The following NCKAP5L variants were observed in gnomAD, a reference collection of about 807,000 sequenced individuals.
NCKAP5L encodes the protein nck-associated protein 5-like.
Under a neutral mutation model 103.2 loss-of-function variants are expected in NCKAP5L, and 54 were observed. The observed-to-expected ratio is 0.52, with a 90% confidence interval of 0.42 to 0.66. The LOEUF is 0.66. Among genes scored for constraint, NCKAP5L ranks in the 30% least tolerant of loss-of-function variants. The pLI is 0.00. For synonymous variants in NCKAP5L, 762 were observed against 748.6 expected (o/e 1.02, Z -0.29); for missense variants, 1,733 against 1,750.6 (o/e 0.99, Z 0.18).
intron 8 of NCKAP5L, 33 bp from the exon 9 acceptor site, chr12:49,793,929 G>A (rs1945983718): frequency 6.9e-7 from 1 of 1,438,880 alleles, no homozygotes; most frequent in Non-Finnish European, 9.2e-7. Flanking sequence ...AGGTGAGGGT[G>A]GTCTTGCCTG....
chr12:49,792,150 G>C lies in NCKAP5L; in HGVS notation c.3793-99C>G, dbSNP rs1945946244. ...GAGGGGCGTCTGTGCACCTGATGGG[G>C]GGCTGCTCCAGAGGGGGCCCAAGGT... On this transcript the variant is annotated intron_variant, in intron 12 of 12. Coordinates refer to ENST00000335999, the MANE Select transcript of NCKAP5L (RefSeq NM_001037806.4). This position sits in a 1 kb window ranked among gnomAD's most constrained non-coding sequence, Gnocchi z 4.5. 8.4e-7 allele frequency: 1 copy of C among 1,192,848 alleles called. No individual in the cohort carries two copies. The highest frequency in any genetic ancestry group is 1.5e-5 in the African/African-American group (1 of 65,972). 73.9% of individuals were successfully genotyped at this position (1,192,848 alleles called of 1,614,324 possible).
chr12:49,828,400 G>A lies in NCKAP5L; in HGVS notation c.-177C>T, dbSNP rs1160581796. ...CCGCGGCTTGGGGGCGGGGGGCAGA[G>A]AAAGGGGGGTGCCGGAGCCGCCTCC... On this transcript the variant is annotated 5_prime_UTR_variant, in exon 1 of 13. Transcript: ENST00000335999. 5 of 152,830 alleles carry A rather than the reference G, an allele frequency of 3.3e-5. No individual in the cohort carries two copies. The highest frequency in any genetic ancestry group is 3.3e-4 in the Admixed American group (5 of 15,294). The allele number at this position is 152,830 out of a possible 1,614,324, so 9.5% of individuals were successfully genotyped here. A position where few individuals can be genotyped will look rare whatever the true frequency, so the allele number is the denominator to read the frequency against.
chr12:49,824,739 C>T (rs1399224851), intron 1 of NCKAP5L, among the ~76,000 whole-genome samples: 1 of 152,250 alleles, frequency 6.6e-6, no homozygotes, highest in East Asian at 1.9e-4. Flanking sequence ...CAGACAAAAT[C>T]TAAGCTCCTG....
chr12:49,793,827 C>T lies in NCKAP5L; in HGVS notation c.3165G>A (p.Pro1055=), dbSNP rs372017459. Residue 1055 remains proline (P), a synonymous_variant, in exon 9 of 13, where the codon CCG becomes CCA. Transcript: ENST00000335999. ...AGGGGCTCTTGGGGTCAGAAGACAC[C>T]GGCTGGAAATCCCCGTACTCAGGCT... ...EPKPEYGDFQ[P]VSSDPKSPWP... is the part of the protein sequence containing the mutation. 64 of 1,591,666 alleles carry T rather than the reference C, an allele frequency of 4.0e-5. No homozygotes were observed. The African/African-American group carries it at 4.6e-4, about 11-fold the overall frequency.
At position 49,794,138 on chromosome 12, in the gene NCKAP5L, T is replaced by C. The variant is rs529643131; in HGVS notation, c.3096-242A>G. Among the ~76,000 whole-genome samples the C allele has an allele frequency of 2.3e-3, 353 of 152,262 alleles. 3 individuals are homozygous for C. The highest frequency in any genetic ancestry group is 8.1e-3 in the African/African-American group (337 of 41,530). ...AGATGGGAGAACTCCCTGAAAGTTA[T>C]CCAGGGTCAAGCCTAGAGACTGCTT... On this transcript the variant is annotated intron_variant, in intron 8 of 12. Transcript: ENST00000335999.
intron 1 of NCKAP5L, among the ~76,000 whole-genome samples, chr12:49,819,695 A>G (rs1946339926): frequency 6.6e-6 from 1 of 152,342 alleles, no homozygotes; most frequent in South Asian, 2.1e-4. Context: ...ACTCTGCCTC[A>G]AGGGAAGAAA....
rs1483553085 is a variant in NCKAP5L, at chr12:49,792,055, G to A, written c.3793-4C>T. The A allele has an allele frequency of 3.3e-6, 5 of 1,531,432 alleles. No individual in the cohort carries two copies. In the East Asian group the frequency reaches 1.1e-4, roughly 35 times the overall value. The allele number at this position is 1,531,432 out of a possible 1,614,324, so 94.9% of individuals were successfully genotyped here. On this transcript the variant is annotated splice_region_variant and splice_polypyrimidine_tract_variant and intron_variant, in intron 12 of 12. Transcript: ENST00000335999. The surrounding 1 kb of genome is among the most constrained non-coding windows in gnomAD (Gnocchi z 4.5). ...GCTTCCGGTCCACGGGCAGGGCCTG[G>A]GAAAGGAGGGGCAGCTCGGGAGGAA...
chr12:49,797,119 G>A lies in NCKAP5L; in HGVS notation c.741C>T (p.Gly247=), dbSNP rs763686273. 29 of 1,599,172 alleles carry A rather than the reference G, an allele frequency of 1.8e-5. No homozygotes were observed. The highest frequency in any genetic ancestry group is 1.7e-4 in the Middle Eastern group (1 of 5,952). The stretch of plus-strand genomic sequence containing the variant: ...GCAGCAGGCCTCCCAGGTTGCCAGG[G>A]CCTAGCAGCAGGCAGGGCGCCCAGG... The part of the protein sequence containing the change: ...PSPWAPCLLL[G]PGNLGGLLHW... The change falls in exon 8 of 13, where the codon GGC becomes GGT. Residue 247 remains glycine (G), a synonymous_variant. Coordinates refer to ENST00000335999, the MANE Select transcript of NCKAP5L (RefSeq NM_001037806.4). The surrounding 1 kb of genome is among the most constrained non-coding windows in gnomAD (Gnocchi z 4.5).
chr12:49,792,878 G>A lies in NCKAP5L; in HGVS notation c.3449C>T (p.Pro1150Leu), dbSNP rs201610169. 1.5e-4 allele frequency: 225 copies of A among 1,546,080 alleles called. No homozygotes were observed. Among genetic ancestry groups the A allele is most frequent in the African/African-American group, 1.9e-4 (14 of 73,746 alleles). ...PSKNLPKTKPPRLDPPPGVPP... is the reference protein window; with the variant it reads ...PSKNLPKTKPLRLDPPPGVPP... ...TACCCCAGGTGGGGGATCCAGCCGCGGTGGCTTGGTCTTAGGAAGATTCTT... is the reference window on the plus strand; with the variant it reads ...TACCCCAGGTGGGGGATCCAGCCGCAGTGGCTTGGTCTTAGGAAGATTCTT... The change falls in exon 11 of 13, where the codon CCG becomes CTG. Residue 1150 changes from proline (P) to leucine (L), a missense_variant. Physicochemically the swap from Pro to Leu is moderately conservative, Grantham distance 98. Transcript: ENST00000335999. This position sits in a 1 kb window ranked among gnomAD's most constrained non-coding sequence, Gnocchi z 4.5.
chr12:49,793,941 C>T (rs1484227720), intron 8 of NCKAP5L, 45 bp from the exon 9 acceptor site: 6 of 1,416,804 alleles, frequency 4.2e-6, no homozygotes, highest in Non-Finnish European at 5.6e-6. Context: ...TCTTGCCTGC[C>T]CAGACATTCC....
At chr12:49,808,485 C>T (rs1642803740) in intron 1 of NCKAP5L, among the ~76,000 whole-genome samples, 1 of 152,202 alleles carries the variant, frequency 6.6e-6, no homozygotes, top group African/African-American at 2.4e-5. Flanking sequence ...CCATGAGAGT[C>T]GGCCCAGAGT....
At chr12:49,798,324 C>A (rs1400679561) in intron 7 of NCKAP5L, 26 bp downstream of exon 7, 1 of 1,522,340 alleles carries the variant, frequency 6.6e-7, no homozygotes, top group Non-Finnish European at 8.9e-7. Flanking sequence ...CAGTGGAGTA[C>A]TGACCACAAT....
intron 1 of NCKAP5L, among the ~76,000 whole-genome samples, chr12:49,827,996 G>A (rs1043197024): frequency 6.6e-6 from 1 of 152,202 alleles, no homozygotes; most frequent in Non-Finnish European, 1.5e-5. Flanking sequence ...CTTTCAAAGA[G>A]GGAGGGGAGC....
Position 49,796,926 on chromosome 12 carries a change from G to T in NCKAP5L, c.934C>A (p.Pro312Thr), listed in dbSNP as rs1384843754. 6.2e-7 allele frequency: 1 copy of T among 1,607,546 alleles called. No individual in the cohort carries two copies. The highest frequency in any genetic ancestry group is 2.2e-5 in the East Asian group (1 of 44,722). The change falls in exon 8 of 13, where the codon CCC becomes ACC. Residue 312 changes from proline (P) to threonine (T), a missense_variant. Pro to Thr is a conservative substitution (Grantham distance 38). Transcript: ENST00000335999. Reference protein sequence around the residue: ...SDEAGDPNEAPSPDTLLGALA... With the variant: ...SDEAGDPNEATSPDTLLGALA... The stretch of plus-strand genomic sequence containing the variant: ...GCACCGAGCAGGGTGTCGGGGCTGG[G>T]TGCCTCATTGGGGTCACCTGCCTCA...
intron 3 of NCKAP5L, among the ~76,000 whole-genome samples, chr12:49,803,532 G>A (rs1252073165): frequency 6.6e-6 from 1 of 152,050 alleles, no homozygotes; most frequent in Non-Finnish European, 1.5e-5. Flanking sequence ...TGTGGTGAGG[G>A]GTGTGGTCTG....
chr12:49,806,166 A>G (rs2603112), intron 1 of NCKAP5L, 125 bp from the exon 2 acceptor site: 56,674 of 152,112 alleles, frequency 0.37, 10,885 homozygotes, highest in South Asian at 0.46. Flanking sequence ...ACTCTATTGG[A>G]CGAGGCCGAC....
At chr12:49,793,677 G>C (rs1457342259) in intron 9 of NCKAP5L, 57 bp downstream of exon 9, 10 of 1,491,784 alleles carry the variant, frequency 6.7e-6, no homozygotes, top group Non-Finnish European at 8.9e-6. Flanking sequence ...GGGGGTAAGA[G>C]ACCTGGCAGG....
At position 49,792,969 on chromosome 12, in the gene NCKAP5L, G is replaced by C. The variant is rs1386142010; in HGVS notation, c.3358C>G (p.Arg1120Gly). 1 of 1,549,112 alleles carries C rather than the reference G, an allele frequency of 6.5e-7. No individual in the cohort carries two copies. Among genetic ancestry groups the C allele is most frequent in the Non-Finnish European group, 8.7e-7 (1 of 1,155,450 alleles). ...GTCCCAATGCCACTGTCCAAGGTTCGAGTCAAGGAGCCACAGGCTGGGGAG... is the reference window on the plus strand; with the variant it reads ...GTCCCAATGCCACTGTCCAAGGTTCCAGTCAAGGAGCCACAGGCTGGGGAG... ...SHFTACGSLTRTLDSGIGTFP... is the reference protein window; with the variant it reads ...SHFTACGSLTGTLDSGIGTFP... Residue 1120 changes from arginine to glycine, a missense_variant, in exon 11 of 13, where the codon CGA becomes GGA. Physicochemically the swap from Arg to Gly is moderately radical, Grantham distance 125. Transcript: ENST00000335999. The surrounding 1 kb of genome is among the most constrained non-coding windows in gnomAD (Gnocchi z 4.5).
Position 49,796,441 on chromosome 12 carries a change from G to A in NCKAP5L, c.1419C>T (p.Gly473=). The change falls in exon 8 of 13, where the codon GGC becomes GGT. Residue 473 remains glycine, a synonymous_variant. Transcript: ENST00000335999. ...GGGGGAGCTGGGGACTGAGCTGCGG[G>A]CCTCCTGGGCTGGGGCTCTTCTCCG... ...PTSEKSPSPG[G]PQLSPQLPRN... is the part of the protein sequence containing the mutation. 1.3e-6 allele frequency: 2 copies of A among 1,540,862 alleles called. No individual in the cohort carries two copies. The highest frequency in any genetic ancestry group is 1.3e-5 in the South Asian group (1 of 79,312).
Sources: gnomAD v4.1 joint callset for allele counts (sites outside exome capture counted in the v4.1 genomes callset) on GRCh38, gnomAD v4.1.1 for gene constraint, Gnocchi (gnomAD v3.1) non-coding constraint, MANE v1.5 for transcripts, NCBI Gene and HGNC (gene_info 2026-07-23, HGNC 2026-07-21) for gene names.